CEMIP2: variants seen among roughly 807,000 people sequenced by gnomAD.
CEMIP2 encodes cell migration inducing hyaluronidase 2.
In CEMIP2, 79 loss-of-function variants were observed where a neutral mutation model predicts 146.9. The ratio of observed to expected loss-of-function variants is 0.54; its 90% CI spans 0.45 to 0.65. CEMIP2 has a LOEUF of 0.65. Ranked by LOEUF, CEMIP2 falls within the 30% of genes least tolerant of loss-of-function variation. The pLI is 0.00. For synonymous variants in CEMIP2, 601 were observed against 606.3 expected (o/e 0.99, Z 0.13); for missense variants, 1,596 against 1,696.2 (o/e 0.94, Z 1.04).
intron 12 of CEMIP2, among the ~76,000 whole-genome samples, chr9:71,721,188 C>T (rs1823221219): frequency 6.6e-6 from 1 of 151,978 alleles, no homozygotes; most frequent in Admixed American, 6.6e-5. Flanking sequence ...TTACTTTCTA[C>T]CAATTATAAT....
chr9:71,700,134 C>A (rs575520796), intron 19 of CEMIP2, among the ~76,000 whole-genome samples: 1 of 152,164 alleles, frequency 6.6e-6, no homozygotes, highest in Admixed American at 6.5e-5. Context: ...TAAAAGCAGT[C>A]AAAACCAACA....
At position 71,684,873 on chromosome 9, in the gene CEMIP2, C is replaced by T; in HGVS notation, c.*324G>A. ...CCTCAGGCTGACTCTCAGAAGCCCC[C>T]ACTCCACCCCACCCCATTATACAAA... On this transcript the variant is annotated 3_prime_UTR_variant, in exon 24 of 24. Coordinates refer to ENST00000377044, the MANE Select transcript of CEMIP2 (RefSeq NM_013390.3). 1 of 221,672 alleles carries T rather than the reference C, an allele frequency of 4.5e-6. No individual in the cohort carries two copies. The highest frequency in any genetic ancestry group is 8.8e-6 in the Non-Finnish European group (1 of 113,928). The allele number at this position is 221,672 out of a possible 1,614,324, so 13.7% of individuals were successfully genotyped here.
At chr9:71,711,421 G>A (rs1822901905) in intron 16 of CEMIP2, among the ~76,000 whole-genome samples, 1 of 150,240 alleles carries the variant, frequency 6.7e-6, no homozygotes, top group South Asian at 2.1e-4. Context: ...TTTTTTTTAA[G>A]TAGCCAGATG....
intron 5 of CEMIP2, among the ~76,000 whole-genome samples, chr9:71,735,726 T>G (rs1314146339): frequency 6.6e-6 from 1 of 151,954 alleles, no homozygotes; most frequent in Non-Finnish European, 1.5e-5. Flanking sequence ...AAGGCTGCAG[T>G]GAGCTATGAT....
At chr9:71,699,474 GAAAGAA>G in intron 19 of CEMIP2, 7 of 411,556 alleles carry the variant, frequency 1.7e-5, no homozygotes, top group South Asian at 8.9e-5. Context: ...AAGAAAGAAA[GAAAGAA>G]AAAGAAAGAA....
At chr9:71,739,361 CAAAAAAAAAAAAAAAAAAAA>C in intron 5 of CEMIP2, among the ~76,000 whole-genome samples, 1 of 42,840 alleles carries the variant, frequency 2.3e-5, no homozygotes, top group South Asian at 1.5e-3. Context: ...GACTCTGTCT[CAAAAAAAAAAAAAAAAAAAA>C]AAAAAAAAAA....
intron 2 of CEMIP2, among the ~76,000 whole-genome samples, chr9:71,747,405 C>A (rs1057357638): frequency 3.3e-5 from 5 of 152,260 alleles, no homozygotes; most frequent in Admixed American, 6.5e-5. Context: ...AGGCATGGGG[C>A]TGGAGTAACT....
chr9:71,716,743 G>A (rs1006901017), intron 13 of CEMIP2, among the ~76,000 whole-genome samples, 191 bp from the exon 14 acceptor site: 6 of 152,084 alleles, frequency 3.9e-5, no homozygotes, highest in African/African-American at 9.7e-5. Context: ...GTTCAAATCC[G>A]GGCTTTGTCA....
At chr9:71,755,961 C>A (rs865820684) in intron 1 of CEMIP2, among the ~76,000 whole-genome samples, 1,497 of 52,584 alleles carry the variant, frequency 0.028, 14 homozygotes, top group South Asian at 0.055. Flanking sequence ...CTCTGTCTCA[C>A]AAAAAAAAAA....
chr9:71,735,029 A>G, intron 5 of CEMIP2, 35 bp from the exon 6 acceptor site: 1 of 1,559,482 alleles, frequency 6.4e-7, no homozygotes, highest in Non-Finnish European at 8.6e-7. Flanking sequence ...AAAGAAAGTG[A>G]TACATTAACA....
chr9:71,711,943 A>T (rs531247435), intron 16 of CEMIP2, 140 bp downstream of exon 16: 1 of 823,732 alleles, frequency 1.2e-6, no homozygotes, highest in African/African-American at 1.7e-5. Flanking sequence ...AGTGCATGGA[A>T]TTAGGAGCTG....
chr9:71,687,294 A>G (rs1227619402), intron 22 of CEMIP2: 1 of 152,198 alleles, frequency 6.6e-6, no homozygotes, highest in Non-Finnish European at 1.5e-5. Context: ...CACTTGAATC[A>G]TCCTGAAACC....
intron 10 of CEMIP2, among the ~76,000 whole-genome samples, chr9:71,728,280 T>TATATACAC (rs1491467360): frequency 1.3e-3 from 17 of 12,648 alleles, no homozygotes; most frequent in South Asian, 3.4e-3. Flanking sequence ...TATATATATA[T>TATATACAC]GTATATATAT....
chr9:71,694,441 G>A (rs1822333357), intron 21 of CEMIP2, 68 bp downstream of exon 21: 1 of 1,295,206 alleles, frequency 7.7e-7, no homozygotes, highest in Admixed American at 1.8e-5. Context: ...TTGTTTATAA[G>A]CTACCTAGTT....
chr9:71,712,503 C>A (rs7037458), intron 15 of CEMIP2: 257,976 of 393,486 alleles, frequency 0.66, 85,884 homozygotes, highest in East Asian at 0.73. Flanking sequence ...ACAACATTAT[C>A]ATAGATTGGG....
Position 71,730,096 on chromosome 9 carries a change from C to A in CEMIP2, c.1931G>T (p.Arg644Leu), listed in dbSNP as rs777253304. 6.2e-7 allele frequency: 1 copy of A among 1,614,110 alleles called. No individual in the cohort carries two copies. Among genetic ancestry groups the A allele is most frequent in the Admixed American group, 1.7e-5 (1 of 60,006 alleles). The part of the protein sequence containing the change: ...DRNNSMCTTM[R>L]DKVFGNYIPV... ...AATGTAATTTCCAAACACTTTATCT[C>A]GCATGGTGGTACACATGGAGTTGTT... Residue 644 changes from arginine (R) to leucine (L), a missense_variant, in exon 9 of 24, where the codon CGA becomes CTA. Coordinates refer to ENST00000377044, the MANE Select transcript of CEMIP2 (RefSeq NM_013390.3).
chr9:71,750,481 GC>G, intron 1 of CEMIP2, 96 bp from the exon 2 acceptor site: 1 of 950,380 alleles, frequency 1.1e-6, no homozygotes, highest in Non-Finnish European at 1.5e-6. Context: ...CACTCTTGTT[GC>G]CCACACTGGA....
At chr9:71,697,246 T>G (rs2131870912) in intron 20 of CEMIP2, among the ~76,000 whole-genome samples, 1 of 152,318 alleles carries the variant, frequency 6.6e-6, no homozygotes, top group East Asian at 1.9e-4. Flanking sequence ...AGCCCATATT[T>G]GTTTGTGTGA....
chr9:71,735,055 TAA>T (rs1192751652), intron 5 of CEMIP2, 61 bp from the exon 6 acceptor site: 11 of 1,520,974 alleles, frequency 7.2e-6, no homozygotes, highest in Middle Eastern at 1.8e-4. Context: ...TTTTTCTCTC[TAA>T]AATGAACCCT....
Sources: gnomAD v4.1 joint callset for allele counts (sites outside exome capture counted in the v4.1 genomes callset) on GRCh38, gnomAD v4.1.1 for gene constraint, MANE v1.5 for transcripts, NCBI Gene and HGNC (gene_info 2026-07-23, HGNC 2026-07-21) for gene names.